Variants in DHRS7C observed in about 807,000 individuals in gnomAD.
DHRS7C encodes dehydrogenase/reductase 7C, also known as dehydrogenase/reductase SDR family member 7C.
DHRS7C carries 28 observed loss-of-function variants against 29.6 expected under a neutral mutation model. The ratio of observed to expected loss-of-function variants is 0.95; its 90% CI spans 0.70 to 1.30. The LOEUF (loss-of-function observed/expected upper bound fraction) is 1.30, where lower values mean the gene tolerates loss of function less well. DHRS7C is among the 50% of genes most tolerant of loss of function. The pLI is 0.00. For synonymous variants in DHRS7C, 158 were observed against 160.2 expected (o/e 0.99, Z 0.10); for missense variants, 403 against 393.3 (o/e 1.02, Z -0.21).
intron 3 of DHRS7C, among the ~76,000 whole-genome samples, chr17:9,778,377 G>A (rs1486789142): frequency 7.0e-6 from 1 of 142,878 alleles, no homozygotes; most frequent in African/African-American, 2.6e-5. Flanking sequence ...CTGGGCAATA[G>A]AGGCGAGACT....
intron 2 of DHRS7C, among the ~76,000 whole-genome samples, chr17:9,780,494 A>G (rs745592926): frequency 6.6e-6 from 1 of 152,190 alleles, no homozygotes; most frequent in South Asian, 2.1e-4. Flanking sequence ...CATACACTCA[A>G]CACAATATTT....
At chr17:9,780,151 GAAAA>G in intron 2 of DHRS7C, 116 bp from the exon 3 acceptor site, 1 of 628,504 alleles carries the variant, frequency 1.6e-6, no homozygotes, top group Non-Finnish European at 2.5e-6. Context: ...TGAAATGACT[GAAAA>G]AAAAAAAAAG....
intron 5 of DHRS7C, 97 bp from the exon 6 acceptor site, chr17:9,771,793 T>C: frequency 8.3e-7 from 1 of 1,211,372 alleles, no homozygotes; most frequent in Non-Finnish European, 1.1e-6. Context: ...GCGGGAAGCG[T>C]GGGCTGTCCC....
rs75037650 is a variant in DHRS7C at position 9,780,047 on chromosome 17, A to G, written c.268-12T>C. ...TTTGGGGTGAATGTCTGCTGAACCA[A>G]TGAGAGAGTCAGGGTATGTGTGAGA... is the stretch of plus-strand genomic sequence containing the variant. On this transcript the variant is annotated splice_polypyrimidine_tract_variant and intron_variant, in intron 2 of 5. Coordinates refer to ENST00000571134, the MANE Select transcript of DHRS7C (RefSeq NM_001105571.3). The G allele has an allele frequency of 5.9e-4, 952 of 1,612,208 alleles. 14 individuals are homozygous for G. In the East Asian group the frequency reaches 0.017, roughly 29 times the overall value.
Position 9,774,684 on chromosome 17 carries a change from C to T in DHRS7C, c.572-1762G>A, listed in dbSNP as rs2066352054. Among the ~76,000 whole-genome samples, 3 of 152,168 alleles carry T rather than the reference C, an allele frequency of 2.0e-5. No individual in the cohort carries two copies. The highest frequency in any genetic ancestry group is 2.0e-4 in the Admixed American group (3 of 15,276). ...TCAAGTCTGTGTGCCAGGTTCTGAG[C>T]CTCAGAGCCCCCATCTCCTTGCCTG... On this transcript the variant is annotated intron_variant, in intron 4 of 5. Transcript: ENST00000571134. The surrounding 1 kb of genome is among the most constrained non-coding windows in gnomAD (Gnocchi z 5.0).
Position 9,775,122 on chromosome 17 carries a change from C to T in DHRS7C, c.571+2071G>A, listed in dbSNP as rs922325258. On this transcript the variant is annotated intron_variant, in intron 4 of 5. Transcript: ENST00000571134. The surrounding 1 kb of genome is among the most constrained non-coding windows in gnomAD (Gnocchi z 4.2). ...TTATGTCACCTCTGTGTTCCCATCACTTGGCTTTAGGCATTCAAACACTTT... is the reference window on the plus strand; with the variant it reads ...TTATGTCACCTCTGTGTTCCCATCATTTGGCTTTAGGCATTCAAACACTTT... 6.6e-6 allele frequency among the ~76,000 whole-genome samples: 1 copy of T among 152,230 alleles called. No homozygotes were observed. Among genetic ancestry groups the T allele is most frequent in the Non-Finnish European group, 1.5e-5 (1 of 68,052 alleles).
intron 1 of DHRS7C, among the ~76,000 whole-genome samples, chr17:9,786,461 C>A (rs7209520): frequency 0.13 from 19,407 of 151,398 alleles, 1,626 homozygotes; most frequent in Non-Finnish European, 0.2. Flanking sequence ...TACTGTCTCA[C>A]GACACCCTTG....
rs528750379 is a variant in DHRS7C at position 9,778,187 on chromosome 17, C to T, written c.479-902G>A. Among the ~76,000 whole-genome samples, 33 of 151,920 alleles carry T rather than the reference C, an allele frequency of 2.2e-4. No individual in the cohort carries two copies. In the East Asian group the frequency reaches 3.3e-3, roughly 15 times the overall value. On this transcript the variant is annotated intron_variant, in intron 3 of 5. Transcript: ENST00000571134. ...CGGGTGGATAACGAGGTCAGGAGAT[C>T]GAGACCATCCTGGCTAACACGGTGA...
In DHRS7C at chr17:9,775,017, A is replaced by G. The variant is rs2066354087; in HGVS notation, c.572-2095T>C. On this transcript the variant is annotated intron_variant, in intron 4 of 5. Coordinates refer to ENST00000571134, the MANE Select transcript of DHRS7C (RefSeq NM_001105571.3). The surrounding 1 kb of genome is among the most constrained non-coding windows in gnomAD (Gnocchi z 4.2). ...GAGTCCCCAATACTGTGTTTTGCAAATGTTCCCAGGAAACTCGTGCATTTG... is the reference window on the plus strand; with the variant it reads ...GAGTCCCCAATACTGTGTTTTGCAAGTGTTCCCAGGAAACTCGTGCATTTG... 6.6e-6 allele frequency among the ~76,000 whole-genome samples: 1 copy of G among 152,152 alleles called. No individual in the cohort carries two copies. The highest frequency in any genetic ancestry group is 1.5e-5 in the Non-Finnish European group (1 of 68,018).
intron 4 of DHRS7C, among the ~76,000 whole-genome samples, chr17:9,773,741 T>TTTTTTTTTTTTTTTTTTTTTTTC (rs57969612): frequency 1.5e-5 from 2 of 129,290 alleles, no homozygotes; most frequent in African/African-American, 3.2e-5. Flanking sequence ...TTTTTTTTTT[T>TTTTTTTTTTTTTTTTTTTTTTTC]TGAGACGGCG....
chr17:9,778,581 GGTTGGTA>G (rs2152016255), intron 3 of DHRS7C, among the ~76,000 whole-genome samples: 1 of 152,286 alleles, frequency 6.6e-6, no homozygotes, highest in Non-Finnish European at 1.5e-5. Context: ...CTCCGTTAAA[GGTTGGTA>G]GCTGACACAC....
chr17:9,773,595 C>A (rs530703436), intron 4 of DHRS7C, among the ~76,000 whole-genome samples: 1 of 152,114 alleles, frequency 6.6e-6, no homozygotes, highest in East Asian at 1.9e-4. Context: ...CAGTCAGAGG[C>A]AGAAGGGGCA....
chr17:9,771,827 C>G (rs1052032037), intron 5 of DHRS7C, 131 bp from the exon 6 acceptor site: 2 of 941,564 alleles, frequency 2.1e-6, no homozygotes, highest in African/African-American at 3.4e-5. Flanking sequence ...TCCAGGCCCC[C>G]TCCGCCACCC....
At chr17:9,789,834 T>C (rs2066444866) in intron 1 of DHRS7C, among the ~76,000 whole-genome samples, 1 of 152,182 alleles carries the variant, frequency 6.6e-6, no homozygotes, top group African/African-American at 2.4e-5. Context: ...TTTTGTCTGG[T>C]CTGATTGACA....
Position 9,791,201 on chromosome 17 carries a change from C to T in DHRS7C, c.84G>A (p.Arg28=), listed in dbSNP as rs376176859. ...TCTGCACAGCTGACTTTGACCACAG[C>T]CTGGACACCTCTTGGTAAATGAAGA... ...GLLFIYQEVS[R]LWSKSAVQNK... The change falls in exon 1 of 6, where the codon AGG becomes AGA. Residue 28 remains arginine, a synonymous_variant. Transcript: ENST00000571134. 2.1e-4 allele frequency: 334 copies of T among 1,613,634 alleles called. No individual in the cohort carries two copies. The highest frequency in any genetic ancestry group is 2.8e-4 in the Non-Finnish European group (325 of 1,179,814).
At chr17:9,786,334 T>TAATAATA (rs1470158688) in intron 1 of DHRS7C, among the ~76,000 whole-genome samples, 9 of 121,366 alleles carry the variant, frequency 7.4e-5, no homozygotes, top group African/African-American at 3.6e-4. Context: ...TCTCAAATAA[T>TAATAATA]AATAATAATA....
At chr17:9,789,643 A>C (rs2066443233) in intron 1 of DHRS7C, among the ~76,000 whole-genome samples, 1 of 152,162 alleles carries the variant, frequency 6.6e-6, no homozygotes, top group Non-Finnish European at 1.5e-5. Context: ...GGAGCAATTA[A>C]GGTGTCAGGA....
chr17:9,780,942 C>T (rs2066389680), intron 2 of DHRS7C, among the ~76,000 whole-genome samples: 1 of 152,126 alleles, frequency 6.6e-6, no homozygotes, highest in Non-Finnish European at 1.5e-5. Flanking sequence ...ATTAGACTTA[C>T]CTCCGAATTA....
In DHRS7C at chr17:9,776,060, G is replaced by T. The variant is rs147083935; in HGVS notation, c.571+1133C>A. Reference sequence around the variant, plus strand: ...CTACTAAAAAATACAAAAATTAGCTGGGTGTGGTGGCGTGTGCCTGTAGTC... The same window carrying T: ...CTACTAAAAAATACAAAAATTAGCTTGGTGTGGTGGCGTGTGCCTGTAGTC... On this transcript the variant is annotated intron_variant, in intron 4 of 5. Coordinates refer to ENST00000571134, the MANE Select transcript of DHRS7C (RefSeq NM_001105571.3). 3.7e-3 allele frequency among the ~76,000 whole-genome samples: 562 copies of T among 152,286 alleles called. 8 individuals carry two copies. The highest frequency in any genetic ancestry group is 0.011 in the East Asian group (56 of 5,180).
Sources: gnomAD v4.1 joint callset for allele counts (sites outside exome capture counted in the v4.1 genomes callset) on GRCh38, gnomAD v4.1.1 for gene constraint, Gnocchi (gnomAD v3.1) non-coding constraint, MANE v1.5 for transcripts, NCBI Gene and HGNC (gene_info 2026-07-23, HGNC 2026-07-21) for gene names.